ADGRL2: variants seen among roughly 807,000 people sequenced by gnomAD.
ADGRL2 encodes the protein calcium-independent alpha-latrotoxin receptor 2.
In ADGRL2, 44 loss-of-function variants were observed where a neutral mutation model predicts 157.4. The observed-to-expected ratio is 0.28, with a 90% confidence interval of 0.22 to 0.36. The LOEUF (loss-of-function observed/expected upper bound fraction) is 0.36, where lower values mean the gene tolerates loss of function less well. Among genes scored for constraint, ADGRL2 ranks in the 10% least tolerant of loss-of-function variants. The probability of loss-of-function intolerance (pLI) is 1.00; values close to 1 mark genes in which losing one functional copy is unlikely to be tolerated. For missense variants in ADGRL2, 1,510 were observed against 1,768.9 expected (o/e 0.85, Z 2.63); for synonymous variants, 585 against 624.7 (o/e 0.94, Z 0.95).
intron 1 of ADGRL2, among the ~76,000 whole-genome samples, chr1:81,349,337 A>G (rs1348396957): frequency 6.6e-6 from 1 of 152,188 alleles, no homozygotes; most frequent in Admixed American, 6.5e-5. Context: ...TATGGTGTTC[A>G]GTCACAAGCT....
chr1:81,366,306 A>C (rs1381440285), intron 1 of ADGRL2, among the ~76,000 whole-genome samples: 1 of 152,110 alleles, frequency 6.6e-6, no homozygotes, highest in Non-Finnish European at 1.5e-5. Context: ...AAAAAAAAAA[A>C]AGTAATTCTA....
At chr1:81,386,849 C>T (rs1266144170) in intron 1 of ADGRL2, among the ~76,000 whole-genome samples, 1 of 152,064 alleles carries the variant, frequency 6.6e-6, no homozygotes, top group East Asian at 1.9e-4. Flanking sequence ...GCTGTACCAT[C>T]ACACAGGAGA....
intron 2 of ADGRL2, among the ~76,000 whole-genome samples, chr1:81,765,296 G>A (rs774803407): frequency 5.9e-5 from 9 of 151,602 alleles, no homozygotes; most frequent in Non-Finnish European, 8.8e-5. Context: ...GCATGTACTC[G>A]GTAAACTCTT....
intron 23 of ADGRL2, chr1:81,989,862 G>A (rs1445832480): frequency 1.0e-6 from 1 of 985,202 alleles, no homozygotes; most frequent in Non-Finnish European, 1.2e-6. Flanking sequence ...TCCAGAAAAA[G>A]GAAATGTTAG....
chr1:81,330,664 G>A (rs1395609379), intron 1 of ADGRL2, among the ~76,000 whole-genome samples: 1 of 152,052 alleles, frequency 6.6e-6, no homozygotes, highest in Non-Finnish European at 1.5e-5. Context: ...GTACACAAAA[G>A]CTGTTAACAC....
chr1:81,544,997 C>G (rs745339800), intron 2 of ADGRL2, among the ~76,000 whole-genome samples: 1 of 152,094 alleles, frequency 6.6e-6, no homozygotes, highest in Non-Finnish European at 1.5e-5. Context: ...CCTGGGTATA[C>G]GACAAAGACC....
intron 6 of ADGRL2, among the ~76,000 whole-genome samples, chr1:81,945,587 CAT>C (rs1208230490): frequency 2.6e-5 from 4 of 152,052 alleles, no homozygotes; most frequent in Non-Finnish European, 4.4e-5. Flanking sequence ...TCATCCTCCA[CAT>C]GTGTCATATA....
At chr1:81,363,714 A>T (rs1007478956) in intron 1 of ADGRL2, among the ~76,000 whole-genome samples, 2 of 151,984 alleles carry the variant, frequency 1.3e-5, no homozygotes, top group Non-Finnish European at 2.9e-5. Context: ...TGTTTTGTTG[A>T]TTTTTTTTCC....
At chr1:81,861,611 A>C (rs950603016) in intron 2 of ADGRL2, among the ~76,000 whole-genome samples, 2 of 152,192 alleles carry the variant, frequency 1.3e-5, no homozygotes, top group African/African-American at 4.8e-5. Flanking sequence ...CACATGGGCC[A>C]TGCACAGTGG....
At chr1:81,343,655 G>A (rs1035530303) in intron 1 of ADGRL2, among the ~76,000 whole-genome samples, 3 of 152,058 alleles carry the variant, frequency 2.0e-5, no homozygotes, top group Non-Finnish European at 4.4e-5. Flanking sequence ...GCACATGGCT[G>A]TCTTTTCACC....
At chr1:81,571,653 G>A (rs2080696266) in intron 2 of ADGRL2, among the ~76,000 whole-genome samples, 1 of 151,898 alleles carries the variant, frequency 6.6e-6, no homozygotes, top group Non-Finnish European at 1.5e-5. Context: ...TAAAAACAGA[G>A]CGTAATAGAT....
chr1:81,939,554 G>A (rs1647200990), intron 4 of ADGRL2, among the ~76,000 whole-genome samples: 1 of 151,452 alleles, frequency 6.6e-6, no homozygotes, highest in Non-Finnish European at 1.5e-5. Context: ...GAAATAGTGT[G>A]TCACTTCACA....
chr1:81,888,503 A>G (rs1439871017), intron 2 of ADGRL2, among the ~76,000 whole-genome samples: 2 of 152,200 alleles, frequency 1.3e-5, no homozygotes, highest in South Asian at 4.1e-4. Context: ...GCAGTGGTGC[A>G]ATCTCGCTCA....
At chr1:81,498,825 C>T (rs951274702) in intron 2 of ADGRL2, among the ~76,000 whole-genome samples, 3 of 151,944 alleles carry the variant, frequency 2.0e-5, no homozygotes, top group Non-Finnish European at 2.9e-5. Flanking sequence ...TAAATATTTG[C>T]GTTGAGCCAG....
rs139571007 is a variant in ADGRL2 at position 81,394,941 on chromosome 1, C to T, written c.-301-50095C>T. On this transcript the variant is annotated intron_variant, in intron 1 of 24. Transcript: ENST00000370721. Reference sequence around the variant, plus strand: ...TTTAGACGAGTCTTGCTCTGTCACCCTGGCCAGAGTGCAGTGTCACGATCT... The same window carrying T: ...TTTAGACGAGTCTTGCTCTGTCACCTTGGCCAGAGTGCAGTGTCACGATCT... 2.0e-5 allele frequency among the ~76,000 whole-genome samples: 3 copies of T among 151,976 alleles called. No homozygotes were observed. In the East Asian group the frequency reaches 5.8e-4, roughly 29 times the overall value.
At chr1:81,982,932 G>A (rs1435071957) in intron 19 of ADGRL2, among the ~76,000 whole-genome samples, 1 of 151,976 alleles carries the variant, frequency 6.6e-6, no homozygotes, top group Non-Finnish European at 1.5e-5. Flanking sequence ...CCCATTAAAT[G>A]TGTTGAAATC....
At chr1:81,480,479 A>G (rs544036603) in intron 2 of ADGRL2, among the ~76,000 whole-genome samples, 13 of 152,290 alleles carry the variant, frequency 8.5e-5, no homozygotes, top group African/African-American at 2.9e-4. Flanking sequence ...GCAGAGTAAT[A>G]TTTCACATTA....
At chr1:81,831,885 T>C (rs1051049703) in intron 1 of ADGRL2, among the ~76,000 whole-genome samples, 3 of 152,136 alleles carry the variant, frequency 2.0e-5, no homozygotes, top group Admixed American at 6.6e-5. Context: ...AAGAATGGCT[T>C]TGTAGATAGC....
chr1:81,421,051 G>T (rs57384594), intron 1 of ADGRL2, among the ~76,000 whole-genome samples: 1 of 152,070 alleles, frequency 6.6e-6, no homozygotes, highest in Non-Finnish European at 1.5e-5. Context: ...TTTTCAGTTG[G>T]CAAGTAAATG....
Sources: gnomAD v4.1 joint callset for allele counts (sites outside exome capture counted in the v4.1 genomes callset) on GRCh38, gnomAD v4.1.1 for gene constraint, MANE v1.5 for transcripts, NCBI Gene and HGNC (gene_info 2026-07-23, HGNC 2026-07-21) for gene names.